Variants in PRKDC observed in about 807,000 individuals in gnomAD.
The protein encoded by PRKDC is DNA-dependent protein kinase catalytic subunit.
Under a neutral mutation model 486.9 loss-of-function variants are expected in PRKDC, and 82 were observed. The ratio of observed to expected loss-of-function variants is 0.17; its 90% confidence interval spans 0.14 to 0.20. PRKDC has a LOEUF of 0.20. PRKDC is among the 10% of genes least tolerant of loss of function. The pLI is 1.00. For synonymous variants in PRKDC, 1,895 were observed against 1,837.0 expected, an observed-to-expected ratio of 1.03 and a Z score of -0.81; for missense variants, 4,504 against 5,038.2, an observed-to-expected ratio of 0.89 and a Z score of 3.21.
At chr8:47,835,234 C>T (rs2087988392) in intron 58 of PRKDC, among the ~76,000 whole-genome samples, 1 of 152,180 alleles carries the variant, frequency 6.6e-6, no homozygotes, top group Admixed American at 6.5e-5. Context: ...TTTACCTCTA[C>T]TCTGCTTTGG....
chr8:47,830,559 A>C (rs746687485), intron 61 of PRKDC, 46 bp downstream of exon 61: 1 of 1,601,144 alleles, frequency 6.2e-7, no homozygotes, highest in African/African-American at 1.3e-5. Flanking sequence ...CTGAACTGGA[A>C]ACAGATTTTA....
At chr8:47,906,804 A>G (rs2089791182) in intron 25 of PRKDC, among the ~76,000 whole-genome samples, 1 of 151,310 alleles carries the variant, frequency 6.6e-6, no homozygotes, top group African/African-American at 2.4e-5. Context: ...AGAGGTCCAT[A>G]CTGTAGTTAA....
chr8:47,854,839 A>G (rs1174175669), intron 50 of PRKDC, among the ~76,000 whole-genome samples: 3 of 152,116 alleles, frequency 2.0e-5, no homozygotes, highest in Non-Finnish European at 2.9e-5. Context: ...TCGCCCTCGT[A>G]TTTTAATTAT....
chr8:47,848,230 A>G (rs1332483720), intron 54 of PRKDC, among the ~76,000 whole-genome samples: 3 of 152,218 alleles, frequency 2.0e-5, no homozygotes, highest in Non-Finnish European at 4.4e-5. Flanking sequence ...AAGACATGGA[A>G]TCAACCCAGG....
chr8:47,958,138 T>C (rs2090740344), intron 1 of PRKDC, among the ~76,000 whole-genome samples: 1 of 152,040 alleles, frequency 6.6e-6, no homozygotes, highest in South Asian at 2.1e-4. Flanking sequence ...GAAGAGTGGG[T>C]CAGAGAGACA....
At chr8:47,912,110 G>A (rs1161500609) in intron 25 of PRKDC, among the ~76,000 whole-genome samples, 2 of 152,028 alleles carry the variant, frequency 1.3e-5, no homozygotes, top group South Asian at 2.1e-4. Context: ...GAAAGACTAC[G>A]TTTGTCCATG....
chr8:47,881,817 A>G, intron 37 of PRKDC, 95 bp downstream of exon 37: 11 of 1,113,486 alleles, frequency 9.9e-6, no homozygotes, highest in Non-Finnish European at 1.4e-5. Context: ...TTGTCAAACC[A>G]ATGAGCTTTT....
chr8:47,857,390 T>C (rs1402458908), intron 48 of PRKDC, 91 bp from the exon 49 acceptor site: 7 of 1,392,222 alleles, frequency 5.0e-6, no homozygotes, highest in Non-Finnish European at 6.7e-6. Flanking sequence ...AGCTAAAATT[T>C]TATACTATGA....
chr8:47,821,130 T>G (rs1223703649), intron 65 of PRKDC, among the ~76,000 whole-genome samples, 187 bp from the exon 66 acceptor site: 1 of 152,232 alleles, frequency 6.6e-6, no homozygotes, highest in African/African-American at 2.4e-5. Flanking sequence ...TAGCTTGTTT[T>G]GTAACCACAA....
At chr8:47,858,141 C>T (rs7003908) in intron 48 of PRKDC, among the ~76,000 whole-genome samples, 1 of 151,826 alleles carries the variant, frequency 6.6e-6, no homozygotes, top group African/African-American at 2.4e-5. Context: ...CCTAAGAGTC[C>T]GCTGTTTTTC....
At position 47,855,261 on chromosome 8, in the gene PRKDC, A is replaced by T; in HGVS notation, c.6722T>A (p.Leu2241His). The stretch of plus-strand genomic sequence containing the variant: ...TAAACAATCCTTCCAGCACTCGACA[A>T]GGGTCTTTATAATTTCAAGGTTGTG... The part of the protein sequence containing the change: ...FRHNLEIIKT[L>H]VECWKDCLSI... Residue 2241 changes from leucine (L) to histidine (H), a missense_variant, in exon 50 of 86, where the codon CTT (leucine) becomes CAT (histidine). By Grantham distance (99) the Leu-to-His change is moderately conservative (BLOSUM62 -3). Around this residue, in one of 6 missense-constraint regions of PRKDC, gnomAD observed 1,592 missense variants for 1,724.6 expected, o/e 0.92. Transcript: ENST00000314191. The T allele has an allele frequency of 6.2e-7, 1 of 1,605,086 alleles. No homozygotes were observed. Among genetic ancestry groups the T allele is most frequent in the South Asian group, 1.1e-5 (1 of 89,410 alleles).
At chr8:47,896,615 C>A (rs1416986747) in intron 30 of PRKDC, among the ~76,000 whole-genome samples, 1 of 151,338 alleles carries the variant, frequency 6.6e-6, no homozygotes, top group Non-Finnish European at 1.5e-5. Context: ...CCACTGCAGT[C>A]CAGCCTGGGC....
chr8:47,878,106 T>G (rs2089128917), intron 39 of PRKDC, among the ~76,000 whole-genome samples: 1 of 147,416 alleles, frequency 6.8e-6, no homozygotes, highest in African/African-American at 2.5e-5. Flanking sequence ...TTTTTAGGTT[T>G]TTTTTTTTTT....
chr8:47,957,424 C>T lies in PRKDC; in HGVS notation c.162G>A (p.Gln54=). 1.3e-6 allele frequency: 2 copies of T among 1,577,240 alleles called. No individual in the cohort carries two copies. The highest frequency in any genetic ancestry group is 1.7e-6 in the Non-Finnish European group (2 of 1,160,340). The change falls in exon 2 of 86, where the codon CAG becomes CAA. Residue 54 remains glutamine, a synonymous_variant. Transcript: ENST00000314191. ...AATCTCTGGAAAAAACTAAAGATGT[C>T]TGTAATGCTGTTCAAAAAAATAAGT... is the stretch of plus-strand genomic sequence containing the variant. ...LSSSPAVLAL[Q]TSLVFSRDFG... is the part of the protein sequence containing the mutation.
At chr8:47,813,181 G>A (rs965079221) in intron 68 of PRKDC, among the ~76,000 whole-genome samples, 56 of 151,766 alleles carry the variant, frequency 3.7e-4, no homozygotes, top group African/African-American at 1.2e-3. Context: ...GCAATGGCAC[G>A]ATCTCTGCTC....
In PRKDC at chr8:47,852,919, A is replaced by G. The variant is rs1048786690; in HGVS notation, c.6894-135T>C. The G allele has an allele frequency of 2.0e-5, 13 of 652,194 alleles. No homozygotes were observed. In the Admixed American group the frequency reaches 3.4e-4, roughly 17 times the overall value. 40.4% of individuals were successfully genotyped at this position (652,194 alleles called of 1,614,324 possible). ...AATCTAAATATAGAATGTGATGCAA[A>G]TTCCATGCACAAATGCACACATCAG... On this transcript the variant is annotated intron_variant, in intron 51 of 85. Transcript: ENST00000314191.
rs757706792 is a variant in PRKDC, at chr8:47,836,319, CGGGCAG to C, written c.7951+13_7951+18del. 2.0e-6 allele frequency: 3 copies of C among 1,531,566 alleles called. No individual in the cohort carries two copies. The East Asian group carries it at 6.8e-5, about 35-fold the overall frequency. 94.9% of individuals were successfully genotyped at this position (1,531,566 alleles called of 1,614,324 possible). ...GTCAGGGTGCTGTATACATGGCCAGCGGGCAGGGTCACTGTTACCTGCAGTCTGTGT... is the reference window on the plus strand; with the variant it reads ...GTCAGGGTGCTGTATACATGGCCAGCGGTCACTGTTACCTGCAGTCTGTGT... On this transcript the variant is annotated intron_variant, in intron 58 of 85. Coordinates refer to ENST00000314191, the MANE Select transcript of PRKDC (RefSeq NM_006904.7).
At chr8:47,810,520 T>C (rs774370428) in intron 68 of PRKDC, among the ~76,000 whole-genome samples, 1 of 152,166 alleles carries the variant, frequency 6.6e-6, no homozygotes, top group Non-Finnish European at 1.5e-5. Context: ...GACTACTATA[T>C]TCACAAGTTA....
At chr8:47,854,046 T>G in intron 51 of PRKDC, 37 bp downstream of exon 51, 1 of 1,609,676 alleles carries the variant, frequency 6.2e-7, no homozygotes, top group South Asian at 1.1e-5. Context: ...CCAGTTTGGG[T>G]AGACGTGACC....
Sources: allele counts gnomAD v4.1 joint callset (sites outside exome capture counted in the v4.1 genomes callset), GRCh38; gene constraint gnomAD v4.1.1; regional missense constraint gnomAD v4.1.1; transcripts MANE v1.5; gene names NCBI Gene and HGNC (gene_info 2026-07-23, HGNC 2026-07-21).